XIRP2: variants seen among roughly 807,000 people sequenced by gnomAD.
The protein encoded by XIRP2 is xin actin-binding repeat-containing protein 2.
Under a neutral mutation model 277.0 loss-of-function variants are expected in XIRP2, and 236 were observed. The observed-to-expected ratio is 0.85, with a 90% CI of 0.77 to 0.95. XIRP2 has a LOEUF of 0.95. XIRP2 is among the 40% of genes least tolerant of loss of function. XIRP2 has a pLI of 0.00. For synonymous variants in XIRP2, 1,490 were observed against 1,416.5 expected (o/e 1.05, Z -1.17); for missense variants, 4,640 against 4,157.5 (o/e 1.12, Z -3.19).
At chr2:167,066,995 G>T (rs1235500606) in intron 2 of XIRP2, among the ~76,000 whole-genome samples, 1 of 151,930 alleles carries the variant, frequency 6.6e-6, no homozygotes, top group African/African-American at 2.4e-5. Flanking sequence ...TCAACCATTT[G>T]ATTAAGATAT....
chr2:167,014,553 A>G (rs552731191), intron 2 of XIRP2, among the ~76,000 whole-genome samples: 1 of 151,864 alleles, frequency 6.6e-6, no homozygotes, highest in African/African-American at 2.4e-5. Context: ...AAGAACAAAA[A>G]TACAAAGAAG....
At chr2:166,892,060 G>A (rs1684119068) in intron 1 of XIRP2, among the ~76,000 whole-genome samples, 1 of 152,014 alleles carries the variant, frequency 6.6e-6, no homozygotes, top group Admixed American at 6.6e-5. Context: ...CTACTATTTT[G>A]AAGGATGCTA....
Position 166,903,553 on chromosome 2 carries a change from G to T in XIRP2, c.71G>T (p.Ser24Ile), listed in dbSNP as rs747180517. 8 of 1,613,494 alleles carry T rather than the reference G, an allele frequency of 5.0e-6. No individual in the cohort carries two copies. The highest frequency in any genetic ancestry group is 6.8e-6 in the Non-Finnish European group (8 of 1,179,754). Reference sequence around the variant, plus strand: ...TGGGAATCTTGTGATTATCAGAGAAGTGAGTGTCATCCCAGGGACAGCCAT... The same window carrying T: ...TGGGAATCTTGTGATTATCAGAGAATTGAGTGTCATCCCAGGGACAGCCAT... ...QKWESCDYQR[S>I]ECHPRDSHCT... is the part of the protein sequence containing the mutation. The change falls in exon 2 of 11, where the codon AGT becomes ATT. Residue 24 changes from serine to isoleucine, a missense_variant. By Grantham distance (142) the Ser-to-Ile change is moderately radical. Coordinates refer to ENST00000409195, the MANE Select transcript of XIRP2 (RefSeq NM_152381.6).
chr2:167,251,912 G>T lies in XIRP2; in HGVS notation c.10520G>T (p.Arg3507Ile). The part of the protein sequence containing the change: ...ATADASATEM[R>I]TTFQEESAFI... ...GCAGATGCTTCTGCAACTGAGATGA[G>T]AACCACCTTCCAAGAGGAATCTGCA... The change falls in exon 9 of 11, where the codon AGA (arginine) becomes ATA (isoleucine). Residue 3507 changes from arginine to isoleucine, a missense_variant. Transcript: ENST00000409195. 1 of 1,578,342 alleles carries T rather than the reference G, an allele frequency of 6.3e-7. No individual in the cohort carries two copies. The highest frequency in any genetic ancestry group is 8.6e-7 in the Non-Finnish European group (1 of 1,166,912).
chr2:166,890,078 G>A (rs1008703947), intron 1 of XIRP2, among the ~76,000 whole-genome samples: 2 of 147,586 alleles, frequency 1.4e-5, no homozygotes, highest in Admixed American at 6.7e-5. Flanking sequence ...TCACTGCAAC[G>A]TCCACCTCCC....
intron 3 of XIRP2, among the ~76,000 whole-genome samples, chr2:167,194,591 G>C (rs76138924): frequency 0.069 from 10,450 of 152,126 alleles, 443 homozygotes; most frequent in South Asian, 0.15. Flanking sequence ...ATCTCCTAGA[G>C]CCAGAAGAGG....
intron 2 of XIRP2, among the ~76,000 whole-genome samples, chr2:167,132,642 C>T (rs1691416745): frequency 6.6e-6 from 1 of 152,158 alleles, no homozygotes; most frequent in Admixed American, 6.5e-5. Context: ...CCTCTGCAGG[C>T]CATCCAGCAC....
At chr2:167,241,562 T>G (rs1323637707) in intron 7 of XIRP2, among the ~76,000 whole-genome samples, 1 of 152,074 alleles carries the variant, frequency 6.6e-6, no homozygotes, top group Non-Finnish European at 1.5e-5. Context: ...TCCCATAGCA[T>G]TATAATTTTA....
intron 2 of XIRP2, among the ~76,000 whole-genome samples, chr2:167,119,083 A>C (rs1558986417): frequency 6.6e-6 from 1 of 152,196 alleles, no homozygotes; most frequent in Non-Finnish European, 1.5e-5. Flanking sequence ...GATCAATGTC[A>C]GAGATTCAGT....
chr2:166,950,771 C>G (rs561837321), intron 2 of XIRP2, among the ~76,000 whole-genome samples: 5 of 151,970 alleles, frequency 3.3e-5, no homozygotes, highest in Non-Finnish European at 7.4e-5. Flanking sequence ...GTGATTTCTT[C>G]TTGTTGTTAT....
chr2:167,036,923 T>A (rs1688521731), intron 2 of XIRP2, among the ~76,000 whole-genome samples: 2 of 152,124 alleles, frequency 1.3e-5, no homozygotes, highest in Admixed American at 1.3e-4. Context: ...TTTTGCTTCT[T>A]CTTCATTCTC....
At chr2:167,060,023 A>T (rs997392830) in intron 2 of XIRP2, among the ~76,000 whole-genome samples, 5 of 152,198 alleles carry the variant, frequency 3.3e-5, no homozygotes, top group Non-Finnish European at 5.9e-5. Context: ...CTGAGCTGCC[A>T]GCTGAATGTA....
intron 5 of XIRP2, among the ~76,000 whole-genome samples, chr2:167,220,224 T>C (rs1285546737): frequency 6.6e-6 from 1 of 152,172 alleles, no homozygotes; most frequent in African/African-American, 2.4e-5. Context: ...CACCTTATCA[T>C]TGATGTAGGG....
chr2:167,071,848 C>T (rs189390564), intron 2 of XIRP2, among the ~76,000 whole-genome samples: 1 of 152,206 alleles, frequency 6.6e-6, no homozygotes, highest in East Asian at 1.9e-4. Flanking sequence ...GAAGATGAAC[C>T]ATTTGCCATT....
intron 3 of XIRP2, among the ~76,000 whole-genome samples, chr2:167,167,450 A>T (rs974310785): frequency 3.3e-5 from 5 of 152,006 alleles, no homozygotes; most frequent in Non-Finnish European, 7.4e-5. Context: ...TTAATTGAGC[A>T]TTTAGTGTGA....
At chr2:167,104,457 T>G (rs948007562) in intron 2 of XIRP2, among the ~76,000 whole-genome samples, 2 of 152,112 alleles carry the variant, frequency 1.3e-5, no homozygotes, top group Non-Finnish European at 2.9e-5. Context: ...ATTTTAATTT[T>G]CCACTTCTAA....
intron 1 of XIRP2, among the ~76,000 whole-genome samples, chr2:166,890,641 G>T (rs1285932940): frequency 6.6e-6 from 1 of 152,134 alleles, no homozygotes; most frequent in Non-Finnish European, 1.5e-5. Context: ...AATTTTGCAT[G>T]CTTCTTTTAT....
At chr2:167,037,518 GGTGTGTGTGTGTGT>G (rs59857626) in intron 2 of XIRP2, among the ~76,000 whole-genome samples, 8 of 126,382 alleles carry the variant, frequency 6.3e-5, no homozygotes, top group African/African-American at 1.3e-4. Context: ...TCATGTGGGG[GGTGTGTGTGTGTGT>G]GTGTGTGTGT....
chr2:166,973,418 C>T (rs147815465), intron 2 of XIRP2, among the ~76,000 whole-genome samples: 182 of 152,278 alleles, frequency 1.2e-3, no homozygotes, highest in African/African-American at 4.2e-3. Context: ...AAGTGTAGCA[C>T]TAGTTATTTC....
Sources: gnomAD v4.1 joint callset for allele counts (sites outside exome capture counted in the v4.1 genomes callset) on GRCh38, gnomAD v4.1.1 for gene constraint, MANE v1.5 for transcripts, NCBI Gene and HGNC (gene_info 2026-07-23, HGNC 2026-07-21) for gene names.